The following EML5 variants were observed in gnomAD, a reference collection of about 807,000 sequenced individuals.
The protein encoded by EML5 is echinoderm microtubule-associated protein-like 5.
In EML5, 120 loss-of-function variants were observed where a neutral mutation model predicts 250.0. The ratio of observed to expected loss-of-function variants is 0.48; its 90% CI spans 0.41 to 0.56. The LOEUF (loss-of-function observed/expected upper bound fraction) is 0.56, where lower values mean the gene tolerates loss of function less well. Ranked by LOEUF, EML5 falls within the 20% of genes least tolerant of loss-of-function variation. EML5 has a pLI of 0.00. For synonymous variants in EML5, 771 were observed against 806.5 expected, an observed-to-expected ratio of 0.96 and a Z score of 0.75; for missense variants, 2,006 against 2,437.6, an observed-to-expected ratio of 0.82 and a Z score of 3.73.
chr14:88,616,921 G>C, intron 41 of EML5, 42 bp from the exon 42 acceptor site: 2 of 1,593,516 alleles, frequency 1.3e-6, no homozygotes, highest in Middle Eastern at 1.7e-4. Flanking sequence ...TGGCAAGTGC[G>C]GGCAGGTTGA....
chr14:88,638,920 A>G lies in EML5; in HGVS notation c.4238-13T>C, dbSNP rs1310463684. The G allele has an allele frequency of 1.3e-6, 2 of 1,542,668 alleles. No individual in the cohort carries two copies. Among genetic ancestry groups the G allele is most frequent in the African/African-American group, 2.8e-5 (2 of 72,424 alleles). ...AAACTCTGAGAACCTACAAAAAAGAATTTGAGAATTAAGTTTGAAAATTTT... is the reference window on the plus strand; with the variant it reads ...AAACTCTGAGAACCTACAAAAAAGAGTTTGAGAATTAAGTTTGAAAATTTT... On this transcript the variant is annotated splice_polypyrimidine_tract_variant and intron_variant, in intron 31 of 43. Coordinates refer to ENST00000554922, the MANE Select transcript of EML5 (RefSeq NM_183387.3).
intron 27 of EML5, among the ~76,000 whole-genome samples, chr14:88,651,351 C>G (rs2091618335): frequency 6.6e-6 from 1 of 151,908 alleles, no homozygotes; most frequent in Non-Finnish European, 1.5e-5. Context: ...GCAGAATATA[C>G]AAGCTAACAT....
At chr14:88,744,245 A>G (rs74799523) in intron 3 of EML5, among the ~76,000 whole-genome samples, 154 bp from the exon 4 acceptor site, 3,908 of 152,160 alleles carry the variant, frequency 0.026, 156 homozygotes, top group African/African-American at 0.089. Context: ...CTTATGAGAA[A>G]TAAAGTAAAT....
chr14:88,715,610 A>G (rs2093478464), intron 8 of EML5, among the ~76,000 whole-genome samples: 1 of 152,140 alleles, frequency 6.6e-6, no homozygotes, highest in South Asian at 2.1e-4. Context: ...GTGCAAAATT[A>G]CATTTAGGAA....
chr14:88,646,027 C>G (rs539755459), intron 29 of EML5, among the ~76,000 whole-genome samples: 1 of 151,958 alleles, frequency 6.6e-6, no homozygotes, highest in Non-Finnish European at 1.5e-5. Context: ...ACTGAATAAC[C>G]GGAACATTGA....
At chr14:88,712,041 T>C (rs568319472) in intron 10 of EML5, among the ~76,000 whole-genome samples, 12 of 152,016 alleles carry the variant, frequency 7.9e-5, no homozygotes, top group Admixed American at 5.9e-4. Flanking sequence ...GAAAGAGATA[T>C]AGTGCATTCA....
At chr14:88,759,689 A>AAAAAAAAAAAAAAAAAC (rs2094209956) in intron 1 of EML5, among the ~76,000 whole-genome samples, 1 of 146,378 alleles carries the variant, frequency 6.8e-6, no homozygotes, top group African/African-American at 2.7e-5. Context: ...ATCTCTTAAA[A>AAAAAAAAAAAAAAAAAC]AAAAAAAAAA....
chr14:88,652,203 A>G (rs1005132675), intron 27 of EML5, among the ~76,000 whole-genome samples: 1 of 152,132 alleles, frequency 6.6e-6, no homozygotes, highest in Non-Finnish European at 1.5e-5. Context: ...ACATAATGAA[A>G]AACTGGATGA....
chr14:88,682,305 C>T (rs1270936380), intron 20 of EML5, among the ~76,000 whole-genome samples: 2 of 152,046 alleles, frequency 1.3e-5, no homozygotes, highest in African/African-American at 4.8e-5. Flanking sequence ...TAGGAATTGG[C>T]TGCTCTGCAA....
chr14:88,664,275 CAAAAAAAAAAA>C (rs35920066), intron 23 of EML5, among the ~76,000 whole-genome samples: 2 of 105,716 alleles, frequency 1.9e-5, no homozygotes, highest in Non-Finnish European at 4.3e-5. Context: ...AGACCTGTCT[CAAAAAAAAAAA>C]AAAAGAAAAG....
At chr14:88,624,743 C>CA in intron 36 of EML5, 1 of 504,570 alleles carries the variant, frequency 2.0e-6, no homozygotes, top group Admixed American at 3.6e-5. Flanking sequence ...ACTACCTATC[C>CA]ACACCTCAGA....
At chr14:88,631,063 CAG>C (rs1461903784) in intron 33 of EML5, among the ~76,000 whole-genome samples, 2 of 152,166 alleles carry the variant, frequency 1.3e-5, no homozygotes, top group Non-Finnish European at 2.9e-5. Flanking sequence ...CAAATACTAC[CAG>C]AGAGTGAGTT....
At chr14:88,711,050 A>G (rs966435391) in intron 10 of EML5, among the ~76,000 whole-genome samples, 8 of 152,182 alleles carry the variant, frequency 5.3e-5, no homozygotes, top group African/African-American at 1.7e-4. Context: ...GCAACGTCTA[A>G]GAGGAAGATC....
At chr14:88,757,846 CCTTT>C (rs762006573) in intron 1 of EML5, among the ~76,000 whole-genome samples, 3 of 150,332 alleles carry the variant, frequency 2.0e-5, no homozygotes, top group South Asian at 2.1e-4. Context: ...CTCTTTCTCT[CCTTT>C]CTTTCTATTT....
In EML5 at chr14:88,621,182, A is replaced by G; in HGVS notation, c.5133T>C (p.His1711=). The change falls in exon 38 of 44, where the codon CAT becomes CAC. Residue 1711 remains histidine, a synonymous_variant. Coordinates refer to ENST00000554922, the MANE Select transcript of EML5 (RefSeq NM_183387.3). ...VDGPIWGLAT[H]PSRDFFLSAA... ...CAGAAAGGAAAAAATCCCTGGAAGG[A>G]TGTGTTGCTAGTCCCCAGATTGGCC... 6.2e-7 allele frequency: 1 copy of G among 1,613,930 alleles called. No homozygotes were observed. Among genetic ancestry groups the G allele is most frequent in the Non-Finnish European group, 8.5e-7 (1 of 1,179,852 alleles).
chr14:88,744,095 T>A lies in EML5; in HGVS notation c.457-4A>T. Reference sequence around the variant, plus strand: ...AATCCCAAGAAATATCAAATATCTGTAAACAAATCAGATTCATGATTAAAA... The same window carrying A: ...AATCCCAAGAAATATCAAATATCTGAAAACAAATCAGATTCATGATTAAAA... On this transcript the variant is annotated splice_polypyrimidine_tract_variant and splice_region_variant and intron_variant, in intron 3 of 43. Coordinates refer to ENST00000554922, the MANE Select transcript of EML5 (RefSeq NM_183387.3). 1 of 1,551,420 alleles carries A rather than the reference T, an allele frequency of 6.4e-7. No individual in the cohort carries two copies.
intron 27 of EML5, among the ~76,000 whole-genome samples, chr14:88,652,360 G>A (rs992078187): frequency 5.9e-5 from 9 of 151,962 alleles, no homozygotes; most frequent in African/African-American, 2.2e-4. Context: ...GGCAACGCGG[G>A]GGTCAGTCAA....
intron 25 of EML5, among the ~76,000 whole-genome samples, chr14:88,659,035 T>C (rs967581634): frequency 1.3e-5 from 2 of 152,220 alleles, no homozygotes; most frequent in South Asian, 2.1e-4. Context: ...GCAATACACA[T>C]AGAAATGTAT....
At chr14:88,764,942 G>A (rs899168711) in intron 1 of EML5, among the ~76,000 whole-genome samples, 2 of 152,038 alleles carry the variant, frequency 1.3e-5, no homozygotes, top group East Asian at 1.9e-4. Context: ...TTTGGTAAAC[G>A]TTTTGGCACT....
Sources: allele counts gnomAD v4.1 joint callset (sites outside exome capture counted in the v4.1 genomes callset), GRCh38; gene constraint gnomAD v4.1.1; transcripts MANE v1.5; gene names NCBI Gene and HGNC (gene_info 2026-07-23, HGNC 2026-07-21).